The following TFPI variants were observed in gnomAD, a reference collection of about 807,000 sequenced individuals.
TFPI encodes tissue factor pathway inhibitor, also known as anti-convertin.
TFPI carries 15 observed loss-of-function variants against 34.6 expected under a neutral mutation model. The ratio of observed to expected loss-of-function variants is 0.43; its 90% CI spans 0.29 to 0.67. The LOEUF is 0.67. Among genes scored for constraint, TFPI ranks in the 30% least tolerant of loss-of-function variants. The pLI, the probability that TFPI is intolerant of heterozygous loss-of-function variation, is 0.15. For synonymous variants in TFPI, 105 were observed against 120.1 expected, an observed-to-expected ratio of 0.87 and a Z score of 0.82; for missense variants, 301 against 364.0, an observed-to-expected ratio of 0.83 and a Z score of 1.41.
At chr2:187,506,654 T>A (rs577721439) in intron 1 of TFPI, among the ~76,000 whole-genome samples, 1 of 152,242 alleles carries the variant, frequency 6.6e-6, no homozygotes, top group South Asian at 2.1e-4. Context: ...TGAATAATAC[T>A]GGTCAGGTAT....
chr2:187,488,291 A>G (rs762364766), intron 4 of TFPI, 46 bp downstream of exon 4: 1 of 1,493,622 alleles, frequency 6.7e-7, no homozygotes. Context: ...GAATATCTAA[A>G]TGCCTTACAT....
intron 1 of TFPI, among the ~76,000 whole-genome samples, chr2:187,533,029 G>T (rs1045250961): frequency 6.6e-6 from 1 of 152,110 alleles, no homozygotes; most frequent in Non-Finnish European, 1.5e-5. Flanking sequence ...TTCCTCTCTG[G>T]GCAGGGCATC....
At chr2:187,507,619 G>C (rs1337512037) in intron 1 of TFPI, among the ~76,000 whole-genome samples, 1 of 152,072 alleles carries the variant, frequency 6.6e-6, no homozygotes, top group Admixed American at 6.5e-5. Context: ...CTTCTTTTGA[G>C]AAGTGCCTGT....
At chr2:187,511,141 C>T (rs1012413778) in intron 1 of TFPI, among the ~76,000 whole-genome samples, 1 of 152,156 alleles carries the variant, frequency 6.6e-6, no homozygotes, top group Non-Finnish European at 1.5e-5. Context: ...GCACGGCAGG[C>T]CCCCGCAGAG....
intron 1 of TFPI, among the ~76,000 whole-genome samples, chr2:187,507,079 C>A (rs1686275004): frequency 1.3e-5 from 2 of 151,998 alleles, no homozygotes. Context: ...CCCTGACAGA[C>A]CCCGGTATGT....
At chr2:187,470,791 A>G (rs932639462) in intron 6 of TFPI, among the ~76,000 whole-genome samples, 24 of 152,192 alleles carry the variant, frequency 1.6e-4, no homozygotes, top group Admixed American at 1.2e-3. Flanking sequence ...GATTGCCTCT[A>G]CTGACACTCT....
intron 6 of TFPI, among the ~76,000 whole-genome samples, chr2:187,472,481 A>G (rs969108691): frequency 2.0e-5 from 3 of 152,190 alleles, no homozygotes; most frequent in African/African-American, 7.2e-5. Context: ...ACAAATTTAT[A>G]TGCCTACAAC....
chr2:187,518,255 G>A (rs568770672), intron 1 of TFPI: 3 of 152,272 alleles, frequency 2.0e-5, no homozygotes, highest in South Asian at 4.1e-4. Flanking sequence ...TTACAATTTG[G>A]TATGTTTTTG....
chr2:187,512,951 A>C (rs1686748094), intron 1 of TFPI, among the ~76,000 whole-genome samples: 2 of 152,172 alleles, frequency 1.3e-5, no homozygotes, highest in Admixed American at 1.3e-4. Context: ...AAAAGAATTT[A>C]TGCAAGAAAT....
rs2106344192 is a variant in TFPI, at chr2:187,554,234, T to C, written c.-37A>G. On this transcript the variant is annotated 5_prime_UTR_variant, in exon 1 of 8. Transcript: ENST00000233156. ...CTCTGATGAAAGTTCTTGGAATGTTTTTTTCAAAACGGAGTTGAGGTTATT... is the reference window on the plus strand; with the variant it reads ...CTCTGATGAAAGTTCTTGGAATGTTCTTTTCAAAACGGAGTTGAGGTTATT... 1 of 152,326 alleles carries C rather than the reference T, an allele frequency of 6.6e-6. No homozygotes were observed. Among genetic ancestry groups the C allele is most frequent in the South Asian group, 2.1e-4 (1 of 4,828 alleles). 9.4% of individuals were successfully genotyped at this position (152,326 alleles called of 1,614,324 possible).
intron 1 of TFPI, chr2:187,514,655 C>T (rs1429169094): frequency 6.6e-6 from 1 of 152,246 alleles, no homozygotes; most frequent in Non-Finnish European, 1.5e-5. Flanking sequence ...TTACTGGGCA[C>T]TCTGCCAAAT....
intron 2 of TFPI, among the ~76,000 whole-genome samples, chr2:187,500,524 A>G (rs1574436666): frequency 6.6e-6 from 1 of 151,846 alleles, no homozygotes; most frequent in Admixed American, 6.6e-5. Context: ...AATCAACAAC[A>G]TTTTTTTTCA....
chr2:187,553,138 T>G (rs1320197715), intron 1 of TFPI, among the ~76,000 whole-genome samples: 1 of 152,036 alleles, frequency 6.6e-6, no homozygotes, highest in Non-Finnish European at 1.5e-5. Context: ...AGGGAGATTT[T>G]GCCTCCCTAA....
intron 2 of TFPI, among the ~76,000 whole-genome samples, chr2:187,500,439 T>A (rs1229845939): frequency 2.6e-5 from 4 of 152,192 alleles, no homozygotes; most frequent in African/African-American, 9.6e-5. Flanking sequence ...CATGATATTG[T>A]CACAGACATG....
chr2:187,483,031 G>C (rs2106006447), intron 6 of TFPI, among the ~76,000 whole-genome samples: 1 of 152,048 alleles, frequency 6.6e-6, no homozygotes, highest in African/African-American at 2.4e-5. Flanking sequence ...CAAATGATTA[G>C]ATCACTGTGG....
intron 1 of TFPI, among the ~76,000 whole-genome samples, chr2:187,508,810 C>T (rs1046795472): frequency 3.3e-5 from 5 of 152,094 alleles, no homozygotes; most frequent in Non-Finnish European, 5.9e-5. Context: ...CTGAGTGCCC[C>T]GGCCAGAACT....
intron 1 of TFPI, among the ~76,000 whole-genome samples, chr2:187,539,214 A>C (rs796133764): frequency 1.4e-4 from 22 of 152,262 alleles, no homozygotes; most frequent in African/African-American, 5.3e-4. Context: ...TTAGAGAAAT[A>C]TTTTACAGAG....
chr2:187,531,833 TC>T (rs1489465586), intron 1 of TFPI, among the ~76,000 whole-genome samples: 2 of 152,260 alleles, frequency 1.3e-5, no homozygotes, highest in East Asian at 3.9e-4. Context: ...ATAAAATTTT[TC>T]TATGACCTTT....
chr2:187,527,118 C>T (rs561519116), intron 1 of TFPI: 1 of 152,166 alleles, frequency 6.6e-6, no homozygotes, highest in South Asian at 2.1e-4. Context: ...GTTTACAGCA[C>T]ACTAATACCA....
Sources: gnomAD v4.1 joint callset for allele counts (sites outside exome capture counted in the v4.1 genomes callset) on GRCh38, gnomAD v4.1.1 for gene constraint, MANE v1.5 for transcripts, NCBI Gene and HGNC (gene_info 2026-07-23, HGNC 2026-07-21) for gene names.